Variants in AJUBA observed in about 807,000 individuals in gnomAD.
AJUBA encodes LIM domain-containing protein ajuba.
A neutral mutation model predicts 53.3 loss-of-function variants in AJUBA; 20 were observed. The observed-to-expected ratio is 0.38, with a 90% CI of 0.26 to 0.55. The LOEUF is 0.55. Among genes scored for constraint, AJUBA ranks in the 20% least tolerant of loss-of-function variants. The probability of loss-of-function intolerance (pLI) is 0.80; values close to 1 mark genes in which losing one functional copy is unlikely to be tolerated. For synonymous variants in AJUBA, 296 were observed against 306.2 expected (o/e 0.97, Z 0.35); for missense variants, 580 against 730.5 (o/e 0.79, Z 2.38).
rs867463802 is a variant in AJUBA, at chr14:22,981,938, C to A, written c.329G>T (p.Arg110Leu). The change falls in exon 1 of 8, where the codon CGG becomes CTG. Residue 110 changes from arginine to leucine, a missense_variant. By Grantham distance (102) the Arg-to-Leu change is moderately radical. Transcript: ENST00000262713. ...PLPQSLPPDF[R>L]LEPTAPALSP... ...GAGGGCCGGGGCCGTGGGCTCCAGC[C>A]GAAAATCGGGGGGCAACGACTGAGG... 6.4e-7 allele frequency: 1 copy of A among 1,564,524 alleles called. No individual in the cohort carries two copies.
chr14:22,977,325 G>A, intron 2 of AJUBA: 2 of 482,346 alleles, frequency 4.1e-6, no homozygotes, highest in South Asian at 9.0e-5. Flanking sequence ...AGTCACTGGG[G>A]TAAGAGACAA....
Position 22,973,395 on chromosome 14 carries a change from G to T in AJUBA, c.*48C>A. 6.4e-7 allele frequency: 1 copy of T among 1,571,932 alleles called. No homozygotes were observed. The highest frequency in any genetic ancestry group is 2.4e-5 in the East Asian group (1 of 42,412). On this transcript the variant is annotated 3_prime_UTR_variant, in exon 8 of 8. Coordinates refer to ENST00000262713, the MANE Select transcript of AJUBA (RefSeq NM_032876.6). ...TGGCTGGCCTCAGAGGGGCCCACTGGCCACAGCAGTTTGTCTGCAGGGTGA... is the reference window on the plus strand; with the variant it reads ...TGGCTGGCCTCAGAGGGGCCCACTGTCCACAGCAGTTTGTCTGCAGGGTGA...
At chr14:22,977,020 G>A in intron 2 of AJUBA, 4 of 1,260,360 alleles carry the variant, frequency 3.2e-6, no homozygotes, top group Non-Finnish European at 4.0e-6. Flanking sequence ...AGCCACCTGG[G>A]AGAGTAAAGC....
At chr14:22,976,148 CAA>C (rs1214094875) in intron 4 of AJUBA, among the ~76,000 whole-genome samples, 66 of 83,358 alleles carry the variant, frequency 7.9e-4, no homozygotes, top group African/African-American at 2.5e-3. Context: ...GACTCTGTCT[CAA>C]AAAAAAAAAA....
Position 22,972,572 on chromosome 14 carries a change from A to C in AJUBA, c.*871T>G, listed in dbSNP as rs2044993926. 1 of 152,570 alleles carries C rather than the reference A, an allele frequency of 6.6e-6. No individual in the cohort carries two copies. Among genetic ancestry groups the C allele is most frequent in the Non-Finnish European group, 1.5e-5 (1 of 68,066 alleles). The allele number at this position is 152,570 out of a possible 1,614,324, so 9.5% of individuals were successfully genotyped here. ...TCACCTACCTAGCCTCCCCAGACCC[A>C]TGTAAGTTCCTGAGAAACAGGGAAT... On this transcript the variant is annotated 3_prime_UTR_variant, in exon 8 of 8. Coordinates refer to ENST00000262713, the MANE Select transcript of AJUBA (RefSeq NM_032876.6).
intron 1 of AJUBA, 127 bp from the exon 2 acceptor site, chr14:22,978,572 A>AG: frequency 6.9e-7 from 1 of 1,451,118 alleles, no homozygotes; most frequent in Non-Finnish European, 9.1e-7. Context: ...CCTTCTGAGT[A>AG]GAGAAGATAA....
chr14:22,978,000 C>A (rs2045053349), intron 2 of AJUBA, among the ~76,000 whole-genome samples: 1 of 151,604 alleles, frequency 6.6e-6, no homozygotes, highest in Admixed American at 6.6e-5. Context: ...TCACTGTCGC[C>A]CCAGGCAACT....
chr14:22,977,035 T>C, intron 2 of AJUBA: 2 of 1,225,188 alleles, frequency 1.6e-6, no homozygotes, highest in Non-Finnish European at 2.0e-6. Context: ...TAAAGCCAAC[T>C]ACGTGCTGGA....
rs972233769 is a variant in AJUBA at position 22,979,359 on chromosome 14, C to A, written c.1007-914G>T. 6.6e-6 allele frequency among the ~76,000 whole-genome samples: 1 copy of A among 152,228 alleles called. No individual in the cohort carries two copies. The highest frequency in any genetic ancestry group is 3.2e-3 in the Middle Eastern group (1 of 316). On this transcript the variant is annotated intron_variant, in intron 1 of 7. Transcript: ENST00000262713. The surrounding 1 kb of genome is among the most constrained non-coding windows in gnomAD (Gnocchi z 4.0). ...TCCCCCTCGGCACGCTGCCACACTCCCTGCCTGTTGGGGCCCATCCCAGTC... is the reference window on the plus strand; with the variant it reads ...TCCCCCTCGGCACGCTGCCACACTCACTGCCTGTTGGGGCCCATCCCAGTC...
At chr14:22,977,086 A>G in intron 2 of AJUBA, 1 of 1,068,954 alleles carries the variant, frequency 9.4e-7, no homozygotes, top group Non-Finnish European at 1.1e-6. Context: ...ATTTGCATAG[A>G]GAGAACCACA....
rs1371898329 is a variant in AJUBA, at chr14:22,979,525, C to A, written c.1007-1080G>T. Among the ~76,000 whole-genome samples the A allele has an allele frequency of 1.3e-5, 2 of 152,222 alleles. No homozygotes were observed. Among genetic ancestry groups the A allele is most frequent in the African/African-American group, 2.4e-5 (1 of 41,458 alleles). On this transcript the variant is annotated intron_variant, in intron 1 of 7. Transcript: ENST00000262713. The surrounding 1 kb of genome is among the most constrained non-coding windows in gnomAD (Gnocchi z 4.0). ...ACTAGGGGCAGGAGGAGGGTACAGT[C>A]AAGCTGGGGCTAGCGGCACAAGGGG...
intron 1 of AJUBA, chr14:22,978,853 G>A: frequency 1.6e-6 from 2 of 1,262,608 alleles, no homozygotes; most frequent in Admixed American, 5.0e-5. Context: ...CAGCAGACTT[G>A]AAAATACTTT....
intron 2 of AJUBA, 50 bp from the exon 3 acceptor site, chr14:22,976,762 A>G: frequency 6.2e-7 from 1 of 1,602,330 alleles, no homozygotes; most frequent in Non-Finnish European, 8.5e-7. Context: ...CCCAGGTGCA[A>G]GACTTCTGGG....
intron 1 of AJUBA, among the ~76,000 whole-genome samples, chr14:22,980,195 C>T (rs1052028883): frequency 6.6e-6 from 1 of 152,228 alleles, no homozygotes; most frequent in Non-Finnish European, 1.5e-5. Context: ...AAGAGGCCCA[C>T]AGCCCTTAGG....
chr14:22,976,954 A>C, intron 2 of AJUBA: 1 of 1,377,112 alleles, frequency 7.3e-7, no homozygotes, highest in South Asian at 1.7e-5. Context: ...TGCCTCCTTA[A>C]CAGTTTTCTA....
At position 22,973,251 on chromosome 14, in the gene AJUBA, G is replaced by A. The variant is rs868529381; in HGVS notation, c.*192C>T. On this transcript the variant is annotated 3_prime_UTR_variant, in exon 8 of 8. Coordinates refer to ENST00000262713, the MANE Select transcript of AJUBA (RefSeq NM_032876.6). ...AAAAAGGCCAGTCGCCCCCACCCTG[G>A]TAAATATAAGGTTTCTCTTCCACAA... 2.0e-5 allele frequency: 18 copies of A among 882,468 alleles called. No homozygotes were observed. Among genetic ancestry groups the A allele is most frequent in the Non-Finnish European group, 2.8e-5 (17 of 597,108 alleles). 54.7% of individuals were successfully genotyped at this position (882,468 alleles called of 1,614,324 possible).
rs1405206746 is a variant in AJUBA, at chr14:22,982,515, C to T, written c.-249G>A. 16 of 1,381,344 alleles carry T rather than the reference C, an allele frequency of 1.2e-5. No individual in the cohort carries two copies. Among genetic ancestry groups the T allele is most frequent in the Non-Finnish European group, 1.3e-5 (14 of 1,071,836 alleles). 85.6% of individuals were successfully genotyped at this position (1,381,344 alleles called of 1,614,324 possible). A position where few individuals can be genotyped will look rare whatever the true frequency, so the allele number is the denominator to read the frequency against. ...GGTCTCTGGCCGCGGCTGTCCAGTC[C>T]GCAGGTCTATCTGTTCACGCGTCGA... On this transcript the variant is annotated 5_prime_UTR_variant, in exon 1 of 8. Transcript: ENST00000262713.
Position 22,974,884 on chromosome 14 carries a change from A to G in AJUBA, c.1377T>C (p.Tyr459=), listed in dbSNP as rs2045019983. The change falls in exon 6 of 8, where the codon TAT becomes TAC. Residue 459 remains tyrosine, a synonymous_variant. Coordinates refer to ENST00000262713, the MANE Select transcript of AJUBA (RefSeq NM_032876.6). ...VYCVTDYHKN[Y]APKCAACGQP... The stretch of plus-strand genomic sequence containing the variant: ...GGCCACAGGCTGCACACTTAGGAGC[A>G]TAATTTCTGAAAGAGAGAGGGAAGA... The G allele has an allele frequency of 2.5e-6, 4 of 1,613,704 alleles. No individual in the cohort carries two copies. The highest frequency in any genetic ancestry group is 1.7e-6 in the Non-Finnish European group (2 of 1,179,960).
chr14:22,973,368 C>T lies in AJUBA; in HGVS notation c.*75G>A. On this transcript the variant is annotated 3_prime_UTR_variant, in exon 8 of 8. Transcript: ENST00000262713. ...CAGGCCTGCAGAGTGCATTCTTTGC[C>T]TTGGCTGGCCTCAGAGGGGCCCACT... is the stretch of plus-strand genomic sequence containing the variant. 6.5e-7 allele frequency: 1 copy of T among 1,548,436 alleles called. No homozygotes were observed. The highest frequency in any genetic ancestry group is 8.7e-7 in the Non-Finnish European group (1 of 1,144,802).
Sources: gnomAD v4.1 joint callset for allele counts (sites outside exome capture counted in the v4.1 genomes callset) on GRCh38, gnomAD v4.1.1 for gene constraint, Gnocchi (gnomAD v3.1) non-coding constraint, MANE v1.5 for transcripts, NCBI Gene and HGNC (gene_info 2026-07-23, HGNC 2026-07-21) for gene names.